TENM2: variants seen among roughly 807,000 people sequenced by gnomAD.
TENM2 encodes the protein teneurin transmembrane protein 2.
A neutral mutation model predicts 245.2 loss-of-function variants in TENM2; 52 were observed. That is an observed-to-expected ratio of 0.21 (90% confidence interval 0.17 to 0.27). The LOEUF (loss-of-function observed/expected upper bound fraction) is 0.27, where lower values mean the gene tolerates loss of function less well. TENM2 is among the 10% of genes least tolerant of loss of function. The pLI is 1.00. For synonymous variants in TENM2, 1,363 were observed against 1,438.9 expected (o/e 0.95, Z 1.19); for missense variants, 3,046 against 3,666.8 (o/e 0.83, Z 4.37).
intron 3 of TENM2, among the ~76,000 whole-genome samples, chr5:167,881,872 T>G (rs1773906094): frequency 6.6e-6 from 1 of 152,188 alleles, no homozygotes; most frequent in Non-Finnish European, 1.5e-5. Context: ...CAACTCTAGT[T>G]AGTATGCTAA....
At chr5:167,725,772 G>A (rs1759958127) in intron 2 of TENM2, among the ~76,000 whole-genome samples, 1 of 152,018 alleles carries the variant, frequency 6.6e-6, no homozygotes, top group South Asian at 2.1e-4. Context: ...TACAGGTCAG[G>A]GTCACGCTTA....
intron 2 of TENM2, among the ~76,000 whole-genome samples, chr5:167,761,437 T>C (rs1342533854): frequency 2.0e-5 from 3 of 152,024 alleles, no homozygotes; most frequent in Non-Finnish European, 4.4e-5. Context: ...CTCCAAGAAA[T>C]TCTTCAACCT....
chr5:167,143,591 G>A, the TENM2 span, among the ~76,000 whole-genome samples: 1 of 152,268 alleles, frequency 6.6e-6, no homozygotes, highest in African/African-American at 2.4e-5. Context: ...AGGGGAAAAA[G>A]CATGAAGTGG....
intron 16 of TENM2, 61 bp from the exon 19 acceptor site, chr5:168,199,803 G>A (rs1307297281): frequency 6.4e-7 from 1 of 1,554,784 alleles, no homozygotes; most frequent in African/African-American, 1.3e-5. Flanking sequence ...CAGTATCGGG[G>A]TTACAGTTTA....
At chr5:168,168,582 GC>G (rs1181290457) in intron 13 of TENM2, among the ~76,000 whole-genome samples, 1 of 151,810 alleles carries the variant, frequency 6.6e-6, no homozygotes, top group East Asian at 1.9e-4. Context: ...TACTCAGGAG[GC>G]CGAGGTAGAA....
chr5:167,852,036 T>G (rs1399158613), intron 2 of TENM2, among the ~76,000 whole-genome samples: 1 of 152,206 alleles, frequency 6.6e-6, no homozygotes, highest in African/African-American at 2.4e-5. Context: ...ATAAACTCAA[T>G]AGAGAACCAG....
intron 5 of TENM2, among the ~76,000 whole-genome samples, chr5:168,035,604 A>G (rs1366292471): frequency 6.6e-6 from 1 of 152,120 alleles, no homozygotes; most frequent in Non-Finnish European, 1.5e-5. Flanking sequence ...ACTCCAGAAG[A>G]TGTGGACATT....
At chr5:167,573,371 G>A (rs571332317) in intron 2 of TENM2, among the ~76,000 whole-genome samples, 74 of 152,280 alleles carry the variant, frequency 4.9e-4, no homozygotes, top group African/African-American at 1.8e-3. Flanking sequence ...ATACACGAAT[G>A]TGTTTCTAAA....
chr5:167,499,971 G>GGT (rs150798009), intron 2 of TENM2, among the ~76,000 whole-genome samples: 31,926 of 120,790 alleles, frequency 0.26, 3,811 homozygotes, highest in East Asian at 0.38. Flanking sequence ...TGTATGTGAG[G>GGT]GTGTGTGTGT....
chr5:167,183,868 A>G, the TENM2 span, among the ~76,000 whole-genome samples: 1 of 152,210 alleles, frequency 6.6e-6, no homozygotes, highest in South Asian at 2.1e-4. Context: ...TTAATTTACT[A>G]CAACTACTAT....
At chr5:167,353,726 C>T (rs1400760129) in intron 1 of TENM2, among the ~76,000 whole-genome samples, 1 of 151,700 alleles carries the variant, frequency 6.6e-6, no homozygotes, top group African/African-American at 2.4e-5. Context: ...CCGGGATGGT[C>T]TCGATCTCCT....
intron 2 of TENM2, among the ~76,000 whole-genome samples, chr5:167,712,451 A>G (rs1251536559): frequency 1.3e-5 from 2 of 152,182 alleles, no homozygotes; most frequent in African/African-American, 4.8e-5. Context: ...TCCCCCTAGA[A>G]TTATGTTTCT....
chr5:167,523,416 T>G (rs1422113728), intron 2 of TENM2, among the ~76,000 whole-genome samples: 3 of 152,114 alleles, frequency 2.0e-5, no homozygotes, highest in Non-Finnish European at 2.9e-5. Flanking sequence ...CTTCCCATTT[T>G]AAAGCAAAAG....
At chr5:166,979,191 CCACCAGCAGCAGCAGCAGCAG>C in the TENM2 span, among the ~76,000 whole-genome samples, 12 of 85,270 alleles carry the variant, frequency 1.4e-4, no homozygotes, top group African/African-American at 6.3e-4. Context: ...AGCAGCACCA[CCACCAGCAGCAGCAGCAGCAG>C]CAGCAGCAGC....
chr5:168,235,673 G>A (rs2152654168), intron 25 of TENM2, among the ~76,000 whole-genome samples: 1 of 152,256 alleles, frequency 6.6e-6, no homozygotes. Flanking sequence ...CAGGTGTGGT[G>A]CGGCACGCCT....
At chr5:168,125,046 T>A in exon 11 of TENM2, 1 of 1,605,498 alleles carries the variant, frequency 6.2e-7, no homozygotes, top group Non-Finnish European at 8.5e-7. Flanking sequence ...CCGACTGCTC[T>A]GTTGGTAAGC....
chr5:167,493,022 A>G (rs1768536162), intron 2 of TENM2, among the ~76,000 whole-genome samples: 1 of 152,124 alleles, frequency 6.6e-6, no homozygotes, highest in Non-Finnish European at 1.5e-5. Context: ...GGATTAGGTA[A>G]GGTAATTGTT....
rs1583205011 is a variant in TENM2, at chr5:167,859,119, G to A, written c.503-16867G>A. 6.9e-5 allele frequency among the ~76,000 whole-genome samples: 9 copies of A among 131,190 alleles called. No individual in the cohort carries two copies. The South Asian group carries it at 1.4e-3, about 20-fold the overall frequency. The allele number at this position is 131,190 out of a possible 152,430, so 86.1% of individuals were successfully genotyped here. ...GAGATGTGGGGAGCGCCTCTGCCCC[G>A]CCGCCCCATCTGGGATGTGAGGAGC... is the stretch of plus-strand genomic sequence containing the variant. On this transcript the variant is annotated intron_variant, in intron 2 of 28. Coordinates refer to ENST00000518659, the Ensembl canonical transcript of TENM2.
At chr5:167,469,462 A>G (rs1360614302) in intron 2 of TENM2, among the ~76,000 whole-genome samples, 1 of 152,182 alleles carries the variant, frequency 6.6e-6, no homozygotes, top group Non-Finnish European at 1.5e-5. Flanking sequence ...GCAATATGTT[A>G]GACACAACTC....
Sources: allele counts gnomAD v4.1 joint callset (sites outside exome capture counted in the v4.1 genomes callset), GRCh38; gene constraint gnomAD v4.1.1; transcripts MANE v1.5; gene names NCBI Gene and HGNC (gene_info 2026-07-23, HGNC 2026-07-21).